The following DPP10 variants were observed in gnomAD, a reference collection of about 807,000 sequenced individuals.
DPP10 encodes dipeptidyl peptidase like 10.
A neutral mutation model predicts 120.9 loss-of-function variants in DPP10; 33 were observed. The observed-to-expected ratio is 0.27, with a 90% CI of 0.21 to 0.37. The LOEUF is 0.37. DPP10 is among the 10% of genes least tolerant of loss of function. DPP10 has a pLI of 1.00. For synonymous variants in DPP10, 337 were observed against 326.1 expected (o/e 1.03, Z -0.36); for missense variants, 816 against 942.8 (o/e 0.87, Z 1.76).
chr2:115,239,870 G>T (rs180888217), intron 1 of DPP10, among the ~76,000 whole-genome samples: 3 of 152,080 alleles, frequency 2.0e-5, no homozygotes, highest in Admixed American at 2.0e-4. Context: ...TTCTGTTCCC[G>T]TGTTAGTTTG....
chr2:114,484,814 AC>A, intron 1 of DPP10, among the ~76,000 whole-genome samples: 1 of 152,276 alleles, frequency 6.6e-6, no homozygotes, highest in South Asian at 2.1e-4. Context: ...ATATAAAAGG[AC>A]TACAAAATAA....
intron 5 of DPP10, among the ~76,000 whole-genome samples, chr2:115,618,143 G>A (rs966185206): frequency 6.6e-6 from 1 of 152,128 alleles, no homozygotes; most frequent in Non-Finnish European, 1.5e-5. Context: ...CAAAACCAAG[G>A]ATAAGGATGG....
At chr2:115,761,657 AT>A (rs1454370482) in intron 11 of DPP10, among the ~76,000 whole-genome samples, 1 of 151,900 alleles carries the variant, frequency 6.6e-6, no homozygotes, top group African/African-American at 2.4e-5. Context: ...ATTCAGTTAG[AT>A]TTTTTTTGAT....
At chr2:114,899,686 G>A (rs57124816) in intron 1 of DPP10, among the ~76,000 whole-genome samples, 3 of 152,174 alleles carry the variant, frequency 2.0e-5, no homozygotes, top group South Asian at 2.1e-4. Context: ...GGCCAGGCGC[G>A]GTGGCTCACG....
At chr2:115,118,909 C>A (rs958054352) in intron 1 of DPP10, among the ~76,000 whole-genome samples, 1 of 152,036 alleles carries the variant, frequency 6.6e-6, no homozygotes, top group Non-Finnish European at 1.5e-5. Flanking sequence ...GCCACCGCGT[C>A]CAGCCTAAAG....
At chr2:114,932,055 C>A (rs1696110018) in intron 1 of DPP10, among the ~76,000 whole-genome samples, 1 of 152,126 alleles carries the variant, frequency 6.6e-6, no homozygotes, top group African/African-American at 2.4e-5. Flanking sequence ...ATCTTGCTGG[C>A]AAATTCTATT....
At chr2:115,311,950 C>T (rs2061597032) in intron 2 of DPP10, among the ~76,000 whole-genome samples, 1 of 151,858 alleles carries the variant, frequency 6.6e-6, no homozygotes, top group Admixed American at 6.6e-5. Context: ...GAGATAGGGT[C>T]TCTCTGTGTT....
chr2:115,232,067 C>T (rs762246731), intron 1 of DPP10, among the ~76,000 whole-genome samples: 9 of 152,184 alleles, frequency 5.9e-5, no homozygotes, highest in Non-Finnish European at 1.2e-4. Context: ...CGTACTTTGG[C>T]TGGCACAAGC....
chr2:115,650,234 CTT>C (rs1424749940), intron 5 of DPP10, among the ~76,000 whole-genome samples: 2 of 152,030 alleles, frequency 1.3e-5, no homozygotes, highest in Admixed American at 6.6e-5. Flanking sequence ...TTGCAAGTGA[CTT>C]TTAATCACTT....
At chr2:114,662,507 G>C (rs556841637) in intron 1 of DPP10, among the ~76,000 whole-genome samples, 19 of 152,250 alleles carry the variant, frequency 1.2e-4, no homozygotes, top group Admixed American at 9.8e-4. Context: ...GCGTGTGTCA[G>C]ACCCGCGACC....
At chr2:115,647,377 T>C (rs559144301) in intron 5 of DPP10, among the ~76,000 whole-genome samples, 71 of 152,166 alleles carry the variant, frequency 4.7e-4, no homozygotes, top group Non-Finnish European at 7.6e-4. Context: ...ATTATACTCA[T>C]TCATTAGCCT....
chr2:115,155,712 T>G (rs1194638604), intron 1 of DPP10, among the ~76,000 whole-genome samples: 9 of 152,220 alleles, frequency 5.9e-5, no homozygotes, highest in Non-Finnish European at 1.5e-5. Flanking sequence ...CACTTTTGAC[T>G]GCATTCTAAA....
At chr2:115,255,651 C>G (rs1439090672) in intron 1 of DPP10, among the ~76,000 whole-genome samples, 1 of 152,166 alleles carries the variant, frequency 6.6e-6, no homozygotes, top group Non-Finnish European at 1.5e-5. Context: ...TATCCTAGAT[C>G]ATCTCTCTCA....
At chr2:114,930,336 C>T (rs1607611) in intron 1 of DPP10, among the ~76,000 whole-genome samples, 150,187 of 152,306 alleles carry the variant, frequency 0.99, 74,078 homozygotes, top group Non-Finnish European at 1. Flanking sequence ...GTCATTTCCT[C>T]GCTACCAAAT....
At chr2:114,689,306 C>T (rs1573972031) in intron 1 of DPP10, among the ~76,000 whole-genome samples, 1 of 151,988 alleles carries the variant, frequency 6.6e-6, no homozygotes, top group African/African-American at 2.4e-5. Context: ...TCACTCAGCT[C>T]CCACTTATAA....
chr2:115,140,794 G>A (rs1451803105), intron 1 of DPP10, among the ~76,000 whole-genome samples: 3 of 152,102 alleles, frequency 2.0e-5, no homozygotes, highest in African/African-American at 7.2e-5. Context: ...TAAAAGGATG[G>A]AGCTACCATT....
intron 1 of DPP10, among the ~76,000 whole-genome samples, chr2:115,082,255 C>A (rs572575874): frequency 6.6e-6 from 1 of 152,260 alleles, no homozygotes; most frequent in East Asian, 1.9e-4. Flanking sequence ...GCTTCCTCTG[C>A]TGCCTTTGTG....
At chr2:115,030,597 A>G (rs1016725327) in intron 1 of DPP10, among the ~76,000 whole-genome samples, 10 of 152,174 alleles carry the variant, frequency 6.6e-5, no homozygotes, top group African/African-American at 2.4e-4. Context: ...TATTAAGCCC[A>G]GGATTCATTA....
At chr2:115,543,143 G>T (rs1049331298) in intron 5 of DPP10, among the ~76,000 whole-genome samples, 2 of 151,960 alleles carry the variant, frequency 1.3e-5, no homozygotes, top group Non-Finnish European at 2.9e-5. Flanking sequence ...ATAGCACCTC[G>T]TATGAATCAG....
Sources: allele counts gnomAD v4.1 joint callset (sites outside exome capture counted in the v4.1 genomes callset), GRCh38; gene constraint gnomAD v4.1.1; transcripts MANE v1.5; gene names NCBI Gene and HGNC (gene_info 2026-07-23, HGNC 2026-07-21).